The following SEM1 variants were observed in gnomAD, a reference collection of about 807,000 sequenced individuals.
SEM1 encodes the protein 26S proteasome complex subunit SEM1.
SEM1 carries 3 observed loss-of-function variants against 12.7 expected under a neutral mutation model. That is an observed-to-expected ratio of 0.24 (90% CI 0.11 to 0.61). The LOEUF is 0.61. Ranked by LOEUF, SEM1 falls within the 20% of genes least tolerant of loss-of-function variation. SEM1 has a pLI of 0.88. For synonymous variants in SEM1, 30 were observed against 27.8 expected, an observed-to-expected ratio of 1.08 and a Z score of -0.25; for missense variants, 59 against 81.3, an observed-to-expected ratio of 0.73 and a Z score of 1.06.
chr7:96,615,839 G>A (rs989354385), intron 2 of SEM1, among the ~76,000 whole-genome samples: 4 of 152,088 alleles, frequency 2.6e-5, no homozygotes, highest in Non-Finnish European at 5.9e-5. Flanking sequence ...TAAGTGTTAA[G>A]TTTCTAAGTT....
chr7:96,550,664 C>T (rs1805240293), intron 2 of SEM1, among the ~76,000 whole-genome samples: 1 of 152,108 alleles, frequency 6.6e-6, no homozygotes, highest in South Asian at 2.1e-4. Flanking sequence ...ATTAGAGTAG[C>T]TCCAGATTAT....
At chr7:96,639,741 TA>T (rs959657345) in intron 2 of SEM1, among the ~76,000 whole-genome samples, 16 of 150,848 alleles carry the variant, frequency 1.1e-4, no homozygotes, top group Non-Finnish European at 2.1e-4. Context: ...TTCATTAAAA[TA>T]AAAAAAAATT....
intron 2 of SEM1, among the ~76,000 whole-genome samples, chr7:96,625,296 T>G (rs932976059): frequency 2.6e-5 from 4 of 152,232 alleles, no homozygotes; most frequent in African/African-American, 2.4e-5. Flanking sequence ...AGGCTTTCAC[T>G]TGCCTCACAT....
intron 3 of SEM1, among the ~76,000 whole-genome samples, chr7:96,501,521 CA>C (rs1198036626): frequency 2.0e-5 from 3 of 151,966 alleles, no homozygotes; most frequent in Non-Finnish European, 2.9e-5. Flanking sequence ...TTATTGAATT[CA>C]ATGATGATAA....
chr7:96,510,132 A>G (rs1272575642), intron 2 of SEM1, among the ~76,000 whole-genome samples: 1 of 152,194 alleles, frequency 6.6e-6, no homozygotes, highest in Non-Finnish European at 1.5e-5. Context: ...TCTATTGTAT[A>G]CGCCCTTGGG....
intron 2 of SEM1, among the ~76,000 whole-genome samples, chr7:96,519,433 G>A (rs920715012): frequency 3.9e-5 from 6 of 152,082 alleles, no homozygotes; most frequent in Non-Finnish European, 7.4e-5. Context: ...CAGTATTTTA[G>A]GAGGGGATAC....
chr7:96,669,269 G>A (rs1789248316), downstream of SEM1, among the ~76,000 whole-genome samples: 1 of 152,122 alleles, frequency 6.6e-6, no homozygotes, highest in Admixed American at 6.6e-5. Flanking sequence ...CAATTTTTCT[G>A]TAAGCTTTTC....
At chr7:96,645,701 G>A (rs539354395) in intron 2 of SEM1, 14 of 397,796 alleles carry the variant, frequency 3.5e-5, no homozygotes, top group African/African-American at 1.8e-4. Flanking sequence ...ATGGAGCCCC[G>A]ATGAGTTTAA....
At chr7:96,535,781 G>A (rs2115746521) in intron 2 of SEM1, among the ~76,000 whole-genome samples, 1 of 151,970 alleles carries the variant, frequency 6.6e-6, no homozygotes, top group South Asian at 2.1e-4. Flanking sequence ...TGCTGTAAAG[G>A]ACATGATTTT....
chr7:96,508,530 G>A (rs1352096031), intron 2 of SEM1, among the ~76,000 whole-genome samples: 1 of 152,010 alleles, frequency 6.6e-6, no homozygotes, highest in African/African-American at 2.4e-5. Context: ...CCTGGCCCTG[G>A]GCCTTATGTA....
At chr7:96,598,354 C>T (rs1044210238) in intron 2 of SEM1, among the ~76,000 whole-genome samples, 2 of 151,066 alleles carry the variant, frequency 1.3e-5, no homozygotes, top group African/African-American at 4.9e-5. Flanking sequence ...GTCATGGCTA[C>T]CTTATTTTTT....
chr7:96,499,611 G>A (rs1194904386), upstream of SEM1, among the ~76,000 whole-genome samples: 5 of 152,174 alleles, frequency 3.3e-5, no homozygotes, highest in Admixed American at 6.5e-5. Flanking sequence ...AAGTCCTGAT[G>A]CTATCCTCAT....
At chr7:96,661,456 T>C (rs1385940637) in intron 2 of SEM1, among the ~76,000 whole-genome samples, 1 of 152,198 alleles carries the variant, frequency 6.6e-6, no homozygotes, top group Non-Finnish European at 1.5e-5. Flanking sequence ...AGACAACAAA[T>C]ATTCAATAAA....
At chr7:96,593,007 A>T (rs933446235) in intron 2 of SEM1, among the ~76,000 whole-genome samples, 41 of 150,708 alleles carry the variant, frequency 2.7e-4, no homozygotes, top group South Asian at 4.2e-4. Flanking sequence ...ATTAAAAAAA[A>T]AAAAAAAAAA....
chr7:96,620,307 C>T (rs558826754), downstream of SEM1, among the ~76,000 whole-genome samples: 90 of 152,260 alleles, frequency 5.9e-4, no homozygotes, highest in African/African-American at 2.1e-3. Context: ...AGTAGGGACC[C>T]TCCCAGGGGG....
intron 2 of SEM1, among the ~76,000 whole-genome samples, chr7:96,508,145 TA>T (rs1398589685): frequency 6.6e-6 from 1 of 151,704 alleles, no homozygotes; most frequent in African/African-American, 2.4e-5. Context: ...ATCAATGAAA[TA>T]AAAGCAGATA....
At chr7:96,566,559 A>G (rs535942535) in intron 2 of SEM1, among the ~76,000 whole-genome samples, 1 of 151,774 alleles carries the variant, frequency 6.6e-6, no homozygotes, top group Admixed American at 6.6e-5. Flanking sequence ...CCTTTATTAT[A>G]TATAGCATAT....
intron 2 of SEM1, among the ~76,000 whole-genome samples, chr7:96,556,068 T>C (rs1228776588): frequency 3.9e-5 from 6 of 151,998 alleles, no homozygotes; most frequent in African/African-American, 7.3e-5. Context: ...TCCTTTTATT[T>C]TGAGCCTATG....
chr7:96,556,966 C>T (rs1805526040), intron 2 of SEM1, among the ~76,000 whole-genome samples: 1 of 150,026 alleles, frequency 6.7e-6, no homozygotes, highest in Non-Finnish European at 1.5e-5. Context: ...GATACCCTTT[C>T]TTCCAGTTGA....
Sources: gnomAD v4.1 joint callset for allele counts (sites outside exome capture counted in the v4.1 genomes callset) on GRCh38, gnomAD v4.1.1 for gene constraint, MANE v1.5 for transcripts, NCBI Gene and HGNC (gene_info 2026-07-23, HGNC 2026-07-21) for gene names.